The following SOX5 variants were observed in gnomAD, a reference collection of about 807,000 sequenced individuals.
SOX5 encodes the protein SRY-box transcription factor 5.
SOX5 carries 9 observed loss-of-function variants against 92.0 expected under a neutral mutation model. The observed-to-expected ratio is 0.10, with a 90% CI of 0.06 to 0.17. SOX5 has a LOEUF of 0.17. Ranked by LOEUF, SOX5 falls within the 10% of genes least tolerant of loss-of-function variation. SOX5 has a pLI of 1.00. For synonymous variants in SOX5, 344 were observed against 336.3 expected, an observed-to-expected ratio of 1.02 and a Z score of -0.25; for missense variants, 642 against 944.5, an observed-to-expected ratio of 0.68 and a Z score of 4.20.
chr12:23,585,423 C>G (rs973654691), intron 9 of SOX5, among the ~76,000 whole-genome samples: 1 of 152,146 alleles, frequency 6.6e-6, no homozygotes, highest in Non-Finnish European at 1.5e-5. Flanking sequence ...TGAGACTTGA[C>G]TAGGTCAGTA....
chr12:24,463,336 T>C (rs531756924), intron 1 of SOX5, among the ~76,000 whole-genome samples: 1 of 152,320 alleles, frequency 6.6e-6, no homozygotes, highest in African/African-American at 2.4e-5. Flanking sequence ...AGAATTTCAA[T>C]TGCTACTCTC....
intron 13 of SOX5, among the ~76,000 whole-genome samples, chr12:23,542,765 A>G (rs901173921): frequency 1.3e-5 from 2 of 152,182 alleles, no homozygotes; most frequent in African/African-American, 4.8e-5. Flanking sequence ...TCACCCCCAC[A>G]ACAAGATGAA....
At chr12:24,060,992 T>C (rs1265659127) in intron 4 of SOX5, among the ~76,000 whole-genome samples, 1 of 152,188 alleles carries the variant, frequency 6.6e-6, no homozygotes, top group Non-Finnish European at 1.5e-5. Context: ...CATATTCAGA[T>C]TGTGTTTCTG....
intron 2 of SOX5, among the ~76,000 whole-genome samples, chr12:24,322,303 T>C (rs1950278371): frequency 1.3e-5 from 2 of 152,180 alleles, no homozygotes; most frequent in African/African-American, 4.8e-5. Flanking sequence ...TAGCAGACTG[T>C]ACTTAAGCAC....
At chr12:24,306,771 T>C (rs1362503828) in intron 2 of SOX5, among the ~76,000 whole-genome samples, 2 of 152,126 alleles carry the variant, frequency 1.3e-5, no homozygotes, top group East Asian at 1.9e-4. Context: ...GTGGGGATGA[T>C]AGCCACCCTT....
chr12:24,429,954 T>G (rs1463891912), intron 1 of SOX5, among the ~76,000 whole-genome samples: 4 of 152,210 alleles, frequency 2.6e-5, no homozygotes, highest in Non-Finnish European at 5.9e-5. Context: ...TTTTCAGATA[T>G]AAAATTTGAA....
At chr12:23,949,784 CTCTCTCTCTT>C, upstream of SOX5, 1 of 573,778 alleles carries the variant, frequency 1.7e-6, no homozygotes, top group African/African-American at 2.9e-5. Flanking sequence ...CTCTCTCTCT[CTCTCTCTCTT>C]TCTCCCCCCC....
chr12:24,427,677 C>A (rs925104000), intron 1 of SOX5, among the ~76,000 whole-genome samples: 2 of 152,166 alleles, frequency 1.3e-5, no homozygotes, highest in Non-Finnish European at 2.9e-5. Flanking sequence ...TCTTTGAGAT[C>A]TTTTTCAACT....
At chr12:23,939,734 T>C (rs1422923986) in intron 1 of SOX5, among the ~76,000 whole-genome samples, 1 of 150,898 alleles carries the variant, frequency 6.6e-6, no homozygotes, top group Non-Finnish European at 1.5e-5. Context: ...ATGAAGCTTG[T>C]TCTCTCGATA....
At chr12:24,225,371 C>T (rs1961657110) in intron 3 of SOX5, among the ~76,000 whole-genome samples, 3 of 151,970 alleles carry the variant, frequency 2.0e-5, no homozygotes, top group African/African-American at 4.8e-5. Context: ...CTGTAACAAC[C>T]CAAAAAATAA....
chr12:23,953,356 G>A (rs10505919), upstream of SOX5, among the ~76,000 whole-genome samples: 9,264 of 151,978 alleles, frequency 0.061, 693 homozygotes, highest in East Asian at 0.27. Flanking sequence ...CATGACTAGC[G>A]CATCTATTAA....
At chr12:23,678,202 T>A in intron 6 of SOX5, among the ~76,000 whole-genome samples, 1 of 152,172 alleles carries the variant, frequency 6.6e-6, no homozygotes, top group Non-Finnish European at 1.5e-5. Flanking sequence ...ATGAGTTTTT[T>A]AATCTTCTAG....
In SOX5 at chr12:23,929,046, C is replaced by T. The variant is rs142269433; in HGVS notation, c.38+20518G>A. On this transcript the variant is annotated intron_variant, in intron 1 of 14. Transcript: ENST00000451604. Reference sequence around the variant, plus strand: ...TGTTTTTTTAAAAAAATGCCTTCTACGAAACAAAAACACAGAAAAGCTTAA... The same window carrying T: ...TGTTTTTTTAAAAAAATGCCTTCTATGAAACAAAAACACAGAAAAGCTTAA... Among the ~76,000 whole-genome samples, 329 of 150,722 alleles carry T rather than the reference C, an allele frequency of 2.2e-3. 2 individuals are homozygous for T. The highest frequency in any genetic ancestry group is 5.3e-3 in the African/African-American group (216 of 41,122).
At chr12:23,822,644 C>T (rs2096142913) in intron 3 of SOX5, among the ~76,000 whole-genome samples, 1 of 152,046 alleles carries the variant, frequency 6.6e-6, no homozygotes, top group Non-Finnish European at 1.5e-5. Flanking sequence ...TCTGCTTGGT[C>T]CAGAGCTAAG....
At chr12:23,779,680 A>T (rs1218525661) in intron 3 of SOX5, among the ~76,000 whole-genome samples, 1 of 150,604 alleles carries the variant, frequency 6.6e-6, no homozygotes, top group Non-Finnish European at 1.5e-5. Context: ...ATTTCATGGG[A>T]ACTTCTTATT....
At chr12:24,085,954 G>A (rs1298519392) in intron 4 of SOX5, among the ~76,000 whole-genome samples, 1 of 128,010 alleles carries the variant, frequency 7.8e-6, no homozygotes, top group African/African-American at 2.7e-5. Context: ...GAACGGATAT[G>A]CTAAAAAAAA....
At chr12:23,821,631 T>C (rs185880473) in intron 3 of SOX5, among the ~76,000 whole-genome samples, 252 of 152,324 alleles carry the variant, frequency 1.7e-3, no homozygotes, top group Non-Finnish European at 3.0e-3. Flanking sequence ...GATAATCATA[T>C]GGTTTTTGTC....
intron 4 of SOX5, among the ~76,000 whole-genome samples, chr12:24,014,308 A>C (rs1288921463): frequency 6.6e-6 from 1 of 152,186 alleles, no homozygotes; most frequent in Non-Finnish European, 1.5e-5. Flanking sequence ...CTCATTATGC[A>C]TGACGGCATA....
intron 1 of SOX5, among the ~76,000 whole-genome samples, chr12:23,904,933 G>C (rs1340997965): frequency 6.6e-6 from 1 of 152,088 alleles, no homozygotes; most frequent in Non-Finnish European, 1.5e-5. Context: ...AGAGATGGAG[G>C]GGAGGATTAG....
Sources: allele counts gnomAD v4.1 joint callset (sites outside exome capture counted in the v4.1 genomes callset), GRCh38; gene constraint gnomAD v4.1.1; transcripts MANE v1.5; gene names NCBI Gene and HGNC (gene_info 2026-07-23, HGNC 2026-07-21).